The following MACROD2 variants were observed in gnomAD, a reference collection of about 807,000 sequenced individuals.
MACROD2 encodes the protein mono-ADP ribosylhydrolase 2, also known as ADP-ribose glycohydrolase MACROD2.
In MACROD2, 36 loss-of-function variants were observed where a neutral mutation model predicts 70.4. That is an observed-to-expected ratio of 0.51 (90% CI 0.39 to 0.68). The LOEUF is 0.68. MACROD2 is among the 30% of genes least tolerant of loss of function. MACROD2 has a pLI of 0.00. For missense variants in MACROD2, 496 were observed against 538.4 expected (o/e 0.92, Z 0.78); for synonymous variants, 172 against 178.8 (o/e 0.96, Z 0.30).
At chr20:15,931,582 G>A (rs2065577278) in intron 10 of MACROD2, among the ~76,000 whole-genome samples, 1 of 151,924 alleles carries the variant, frequency 6.6e-6, no homozygotes, top group African/African-American at 2.4e-5. Flanking sequence ...GTTAAAGGCT[G>A]CAGTGAGCTA....
chr20:15,034,009 C>T (rs2075294887), intron 5 of MACROD2, among the ~76,000 whole-genome samples: 1 of 152,066 alleles, frequency 6.6e-6, no homozygotes, highest in African/African-American at 2.4e-5. Context: ...CTCATGTTTC[C>T]CCCGTTTGGA....
chr20:14,882,913 A>G (rs1262296730), intron 5 of MACROD2, among the ~76,000 whole-genome samples: 1 of 152,150 alleles, frequency 6.6e-6, no homozygotes, highest in South Asian at 2.1e-4. Flanking sequence ...CAATGCTGAT[A>G]TTATGGAGAC....
At chr20:14,626,167 AG>A (rs538346593) in intron 4 of MACROD2, among the ~76,000 whole-genome samples, 57 of 152,264 alleles carry the variant, frequency 3.7e-4, no homozygotes, top group Admixed American at 2.0e-3. Context: ...ACATTGCTTT[AG>A]ATCAAGGGGC....
chr20:14,402,402 C>A lies in MACROD2; in HGVS notation c.272-91077C>A, dbSNP rs574979703. Among the ~76,000 whole-genome samples, 28 of 152,232 alleles carry A rather than the reference C, an allele frequency of 1.8e-4. No individual in the cohort carries two copies. The South Asian group carries it at 4.1e-3, about 23-fold the overall frequency. ...TGCCTTTTCATGATCTTTATAAACA[C>A]ATTGCTCTAAATATTCTAGCTTGGG... On this transcript the variant is annotated intron_variant, in intron 3 of 17. Coordinates refer to ENST00000684519, the MANE Select transcript of MACROD2 (RefSeq NM_001351661.2).
intron 3 of MACROD2, chr20:14,327,391 G>A (rs111786150): frequency 2.5e-6 from 4 of 1,613,646 alleles, no homozygotes; most frequent in South Asian, 1.1e-5. Flanking sequence ...AATGAAACCC[G>A]CATCGCAGCG....
At chr20:14,050,608 A>C (rs2053553122) in intron 2 of MACROD2, among the ~76,000 whole-genome samples, 2 of 152,174 alleles carry the variant, frequency 1.3e-5, no homozygotes. Flanking sequence ...GCAAAACAGA[A>C]AGTGAACGAA....
At chr20:15,958,902 C>T (rs918942741) in intron 12 of MACROD2, among the ~76,000 whole-genome samples, 2 of 152,126 alleles carry the variant, frequency 1.3e-5, no homozygotes, top group Non-Finnish European at 2.9e-5. Flanking sequence ...AGAGAGCCTT[C>T]GCTGGAAAAT....
intron 3 of MACROD2, among the ~76,000 whole-genome samples, chr20:14,307,367 A>G (rs1230538771): frequency 6.6e-6 from 1 of 152,066 alleles, no homozygotes; most frequent in Admixed American, 6.6e-5. Context: ...TTTTTTCTTC[A>G]CTATGGATTT....
intron 2 of MACROD2, among the ~76,000 whole-genome samples, chr20:14,048,503 A>G (rs1454438744): frequency 6.6e-6 from 1 of 152,168 alleles, no homozygotes; most frequent in Admixed American, 6.5e-5. Context: ...TAAAAAAGAC[A>G]TAAAAACCCA....
In MACROD2 at chr20:14,326,381, G is replaced by T. The variant is rs779306670; in HGVS notation, c.272-167098G>T. ...GGAGCTGGCCACTGTCCTTGGGCAGGATACACTGTGTTGGGTATTGCAGTG... is the reference window on the plus strand; with the variant it reads ...GGAGCTGGCCACTGTCCTTGGGCAGTATACACTGTGTTGGGTATTGCAGTG... On this transcript the variant is annotated intron_variant, in intron 3 of 17. Coordinates refer to ENST00000684519, the MANE Select transcript of MACROD2 (RefSeq NM_001351661.2). The surrounding 1 kb of genome is among the most constrained non-coding windows in gnomAD (Gnocchi z 5.5). The T allele has an allele frequency of 1.9e-6, 3 of 1,613,924 alleles. No individual in the cohort carries two copies. Among genetic ancestry groups the T allele is most frequent in the Non-Finnish European group, 2.5e-6 (3 of 1,179,874 alleles).
At chr20:14,573,517 A>G (rs1980357229) in intron 4 of MACROD2, among the ~76,000 whole-genome samples, 1 of 152,162 alleles carries the variant, frequency 6.6e-6, no homozygotes, top group Non-Finnish European at 1.5e-5. Flanking sequence ...GAAACCTGAG[A>G]CTTGTTGAGT....
chr20:14,330,945 A>C (rs2082825199), intron 3 of MACROD2, among the ~76,000 whole-genome samples: 1 of 152,150 alleles, frequency 6.6e-6, no homozygotes, highest in African/African-American at 2.4e-5. Flanking sequence ...ATATAAAATA[A>C]TGTGGTTAAT....
At chr20:14,123,753 G>T (rs1569168652) in intron 3 of MACROD2, among the ~76,000 whole-genome samples, 1 of 152,122 alleles carries the variant, frequency 6.6e-6, no homozygotes, top group East Asian at 1.9e-4. Context: ...TAATGCTTAG[G>T]CAAGGGAAGG....
intron 3 of MACROD2, among the ~76,000 whole-genome samples, chr20:14,168,777 AAAG>A (rs1249076909): frequency 1.3e-5 from 2 of 152,190 alleles, no homozygotes; most frequent in Non-Finnish European, 2.9e-5. Context: ...TCAAACATTC[AAAG>A]AAGAATTGAT....
At chr20:15,286,233 A>C (rs1314927836) in intron 6 of MACROD2, among the ~76,000 whole-genome samples, 1 of 152,108 alleles carries the variant, frequency 6.6e-6, no homozygotes, top group African/African-American at 2.4e-5. Context: ...AAATTTAATA[A>C]AATCAGTGAG....
At chr20:15,094,716 C>T (rs1243170777) in intron 5 of MACROD2, among the ~76,000 whole-genome samples, 1 of 152,024 alleles carries the variant, frequency 6.6e-6, no homozygotes, top group African/African-American at 2.4e-5. Flanking sequence ...CTTGTTCTCC[C>T]TGTGTATTTT....
chr20:15,864,267 C>T (rs2064462873), intron 9 of MACROD2, among the ~76,000 whole-genome samples: 1 of 152,028 alleles, frequency 6.6e-6, no homozygotes, highest in Non-Finnish European at 1.5e-5. Context: ...TTTTGACTTG[C>T]TTTATGACAA....
At chr20:14,631,133 C>G (rs929415196) in intron 4 of MACROD2, among the ~76,000 whole-genome samples, 1 of 151,888 alleles carries the variant, frequency 6.6e-6, no homozygotes. Context: ...AGCACTAGGC[C>G]CAACAGACCA....
intron 10 of MACROD2, among the ~76,000 whole-genome samples, chr20:15,896,040 C>A (rs961382948): frequency 2.0e-5 from 3 of 152,200 alleles, no homozygotes; most frequent in Non-Finnish European, 4.4e-5. Context: ...TACAATCATT[C>A]TTTCCTAGTG....
Sources: allele counts gnomAD v4.1 joint callset (sites outside exome capture counted in the v4.1 genomes callset), GRCh38; gene constraint gnomAD v4.1.1; non-coding constraint Gnocchi (gnomAD v3.1); transcripts MANE v1.5; gene names NCBI Gene and HGNC (gene_info 2026-07-23, HGNC 2026-07-21).